Variants in STEAP4 observed in about 807,000 individuals in gnomAD.
The protein encoded by STEAP4 is STEAP4 metalloreductase.
STEAP4 carries 36 observed loss-of-function variants against 43.6 expected under a neutral mutation model. That is an observed-to-expected ratio of 0.83 (90% CI 0.63 to 1.09). The LOEUF is 1.09. STEAP4 is among the 50% of genes least tolerant of loss of function. STEAP4 has a pLI of 0.00. For synonymous variants in STEAP4, 191 were observed against 196.7 expected (o/e 0.97, Z 0.24); for missense variants, 495 against 546.5 (o/e 0.91, Z 0.94).
intron 1 of STEAP4, among the ~76,000 whole-genome samples, chr7:88,294,815 T>C (rs1189317515): frequency 1.3e-5 from 2 of 152,132 alleles, no homozygotes; most frequent in African/African-American, 4.8e-5. Flanking sequence ...CAAGAAAATC[T>C]TCCCTTTTCT....
At chr7:88,296,185 T>C (rs1045044702) in intron 1 of STEAP4, among the ~76,000 whole-genome samples, 2 of 152,180 alleles carry the variant, frequency 1.3e-5, no homozygotes. Context: ...TATCACATAG[T>C]ACAGCATAAT....
rs1289109363 is a variant in STEAP4 at position 88,273,388 on chromosome 7, A to G, written c.*6010T>C. The G allele has an allele frequency of 6.6e-6, 1 of 152,144 alleles. No homozygotes were observed. The highest frequency in any genetic ancestry group is 1.5e-5 in the Non-Finnish European group (1 of 68,024). The allele number at this position is 152,144 out of a possible 1,614,324, so 9.4% of individuals were successfully genotyped here. A position where few individuals can be genotyped will look rare whatever the true frequency, so the allele number is the denominator to read the frequency against. On this transcript the variant is annotated 3_prime_UTR_variant, in exon 5 of 5. Transcript: ENST00000380079. Reference sequence around the variant, plus strand: ...AATTCTGGGTTTCTATTTTATCACAATCTGATACTTTTTGATATACAATAC... The same window carrying G: ...AATTCTGGGTTTCTATTTTATCACAGTCTGATACTTTTTGATATACAATAC...
chr7:88,276,210 A>G lies in STEAP4; in HGVS notation c.*3188T>C, dbSNP rs2115932962. On this transcript the variant is annotated 3_prime_UTR_variant, in exon 5 of 5. Coordinates refer to ENST00000380079, the MANE Select transcript of STEAP4 (RefSeq NM_024636.4). ...AGGGTAATACTGAAGCACACACAGC[A>G]TACTGGACTGTGCCACCCCGCTGAG... 6.6e-6 allele frequency: 1 copy of G among 152,394 alleles called. No individual in the cohort carries two copies. The highest frequency in any genetic ancestry group is 1.9e-4 in the East Asian group (1 of 5,184). The allele number at this position is 152,394 out of a possible 1,614,324, so 9.4% of individuals were successfully genotyped here. A position where few individuals can be genotyped will look rare whatever the true frequency, so the allele number is the denominator to read the frequency against.
At position 88,277,619 on chromosome 7, in the gene STEAP4, TGAGGCG is replaced by T. The variant is rs1430867235; in HGVS notation, c.*1773_*1778del. Reference sequence around the variant, plus strand: ...TCATGCCTGTAATCCCAGTGCTTTGTGAGGCGGAGGCAGGCAGATCACTTGACGCCA... The same window carrying T: ...TCATGCCTGTAATCCCAGTGCTTTGTGAGGCAGGCAGATCACTTGACGCCA... On this transcript the variant is annotated 3_prime_UTR_variant, in exon 5 of 5. Coordinates refer to ENST00000380079, the MANE Select transcript of STEAP4 (RefSeq NM_024636.4). 1 of 152,224 alleles carries T rather than the reference TGAGGCG, an allele frequency of 6.6e-6. No individual in the cohort carries two copies. The highest frequency in any genetic ancestry group is 6.5e-5 in the Admixed American group (1 of 15,274). 9.4% of individuals were successfully genotyped at this position (152,224 alleles called of 1,614,324 possible).
At chr7:88,289,641 A>T (rs1852803412) in intron 1 of STEAP4, among the ~76,000 whole-genome samples, 1 of 152,234 alleles carries the variant, frequency 6.6e-6, no homozygotes, top group African/African-American at 2.4e-5. Context: ...AGGGACAAGA[A>T]ATACAGGACA....
chr7:88,283,344 CT>C, intron 2 of STEAP4, 176 bp from the exon 3 acceptor site: 1 of 676,718 alleles, frequency 1.5e-6, no homozygotes, highest in Non-Finnish European at 2.3e-6. Flanking sequence ...TATGTGGTGT[CT>C]TAGATAGGTA....
intron 3 of STEAP4, 174 bp downstream of exon 3, chr7:88,282,467 G>T: frequency 1.4e-6 from 1 of 703,508 alleles, no homozygotes; most frequent in Non-Finnish European, 2.3e-6. Flanking sequence ...CTTAATAGTT[G>T]TATGAGATCT....
intron 3 of STEAP4, 58 bp downstream of exon 3, chr7:88,282,583 G>A (rs1376993261): frequency 7.0e-7 from 1 of 1,433,396 alleles, no homozygotes; most frequent in Non-Finnish European, 9.6e-7. Flanking sequence ...AATGGAATAT[G>A]ATGTAGCAAT....
intron 3 of STEAP4, chr7:88,281,873 C>G (rs1852626107): frequency 6.6e-6 from 1 of 152,164 alleles, no homozygotes. Flanking sequence ...TATAAGCGCT[C>G]TTTTGTGAAT....
At chr7:88,281,150 G>T in intron 3 of STEAP4, 71 bp from the exon 4 acceptor site, 1 of 1,244,842 alleles carries the variant, frequency 8.0e-7, no homozygotes, top group South Asian at 2.1e-5. Context: ...CCCACACTTT[G>T]ACAGTGGGCA....
chr7:88,293,668 C>T (rs1035939653), intron 1 of STEAP4, among the ~76,000 whole-genome samples: 22 of 152,122 alleles, frequency 1.4e-4, no homozygotes, highest in African/African-American at 4.8e-4. Flanking sequence ...CATAACTACT[C>T]TTCTACCATT....
intron 4 of STEAP4, among the ~76,000 whole-genome samples, chr7:88,280,478 G>A (rs983298961): frequency 6.6e-6 from 1 of 152,206 alleles, no homozygotes; most frequent in African/African-American, 2.4e-5. Context: ...AGAGGGGTTG[G>A]TTGGTGCTTG....
chr7:88,286,230 C>CA (rs1302759721), intron 1 of STEAP4, among the ~76,000 whole-genome samples: 3 of 152,080 alleles, frequency 2.0e-5, no homozygotes, highest in Non-Finnish European at 4.4e-5. Flanking sequence ...TTCAACATAA[C>CA]AATTATAATT....
intron 1 of STEAP4, among the ~76,000 whole-genome samples, chr7:88,298,747 G>C (rs1852975577): frequency 6.6e-6 from 1 of 152,162 alleles, no homozygotes; most frequent in Non-Finnish European, 1.5e-5. Context: ...AATTGCTATA[G>C]ATTAATATAA....
At chr7:88,301,314 C>T (rs1038432392) in intron 1 of STEAP4, among the ~76,000 whole-genome samples, 1 of 152,190 alleles carries the variant, frequency 6.6e-6, no homozygotes, top group Non-Finnish European at 1.5e-5. Context: ...TGCTCTGTCA[C>T]CCAGGCAGGA....
intron 1 of STEAP4, chr7:88,290,269 T>A (rs1446446432): frequency 6.6e-6 from 1 of 152,212 alleles, no homozygotes; most frequent in Non-Finnish European, 1.5e-5. Context: ...CATGGTCCTA[T>A]TTTTTGCTTT....
chr7:88,272,669 T>TA lies in STEAP4; in HGVS notation c.*6728dup, dbSNP rs1852453943. The TA allele has an allele frequency of 6.6e-6, 1 of 152,216 alleles. No individual in the cohort carries two copies. Among genetic ancestry groups the TA allele is most frequent in the Non-Finnish European group, 1.5e-5 (1 of 68,048 alleles). 9.4% of individuals were successfully genotyped at this position (152,216 alleles called of 1,614,324 possible). ...CATTTAAGGGTGTGATTTTGTGTTT[T>TA]ACAGACATATGCATTGATTTGTAAT... On this transcript the variant is annotated 3_prime_UTR_variant, in exon 5 of 5. Coordinates refer to ENST00000380079, the MANE Select transcript of STEAP4 (RefSeq NM_024636.4).
At chr7:88,300,751 T>C (rs1364975746) in intron 1 of STEAP4, among the ~76,000 whole-genome samples, 1 of 152,096 alleles carries the variant, frequency 6.6e-6, no homozygotes, top group Non-Finnish European at 1.5e-5. Context: ...TCCCCAAGAC[T>C]CTGGAATGTG....
rs1323082697 is a variant in STEAP4, at chr7:88,284,225, A to G, written c.45T>C (p.Ser15=). 6.2e-7 allele frequency: 1 copy of G among 1,611,138 alleles called. No homozygotes were observed. The highest frequency in any genetic ancestry group is 1.3e-5 in the African/African-American group (1 of 74,858). ...CIDALPLTMN[S]SEKQETVCIF... is the part of the protein sequence containing the mutation. ...TACATACAGTCTCTTGCTTTTCTGA[A>G]GAATTCATAGTAAGAGGAAGTGCAT... The change falls in exon 2 of 5, where the codon TCT becomes TCC. Residue 15 remains serine (S), a synonymous_variant. Transcript: ENST00000380079.
Sources: allele counts gnomAD v4.1 joint callset (sites outside exome capture counted in the v4.1 genomes callset), GRCh38; gene constraint gnomAD v4.1.1; transcripts MANE v1.5; gene names NCBI Gene and HGNC (gene_info 2026-07-23, HGNC 2026-07-21).